Variants in DCC observed in about 807,000 individuals in gnomAD.
DCC encodes the protein DCC netrin 1 receptor.
In DCC, 58 loss-of-function variants were observed where a neutral mutation model predicts 172.5. That is an observed-to-expected ratio of 0.34 (90% confidence interval 0.27 to 0.42). DCC has a LOEUF of 0.42. Ranked by LOEUF, DCC falls within the 10% of genes least tolerant of loss-of-function variation. DCC has a pLI of 1.00. For missense variants in DCC, 1,740 were observed against 1,791.0 expected, an observed-to-expected ratio of 0.97 and a Z score of 0.51; for synonymous variants, 709 against 644.5, an observed-to-expected ratio of 1.10 and a Z score of -1.52.
At chr18:53,280,120 G>A (rs752145866) in intron 12 of DCC, among the ~76,000 whole-genome samples, 3 of 152,088 alleles carry the variant, frequency 2.0e-5, no homozygotes, top group Non-Finnish European at 4.4e-5. Context: ...CTAGGCTTCT[G>A]TTGAAGCCTA....
rs148818851 is a variant in DCC, at chr18:52,887,306, GTT to G, written c.413-18727_413-18726del. On this transcript the variant is annotated intron_variant, in intron 2 of 28. Coordinates refer to ENST00000442544, the MANE Select transcript of DCC (RefSeq NM_005215.4). ...TAGCATTTAGAAACAATCATCAATG[GTT>G]TTTTTTTTTTAAACTATCATCAACA... 2.2e-3 allele frequency among the ~76,000 whole-genome samples: 316 copies of G among 146,844 alleles called. 1 individual carries two copies. Among genetic ancestry groups the G allele is most frequent in the African/African-American group, 7.5e-3 (300 of 40,192 alleles).
chr18:53,293,539 G>T (rs2144754644), intron 12 of DCC, among the ~76,000 whole-genome samples: 1 of 152,250 alleles, frequency 6.6e-6, no homozygotes, highest in African/African-American at 2.4e-5. Context: ...TTGTGTCATA[G>T]GGGCTTGTTG....
intron 18 of DCC, among the ~76,000 whole-genome samples, chr18:53,402,526 T>C (rs1909373246): frequency 1.3e-5 from 2 of 152,220 alleles, no homozygotes; most frequent in East Asian, 1.9e-4. Flanking sequence ...ATACCAGTTG[T>C]ACTTTTCTCC....
chr18:53,349,440 C>T (rs545084863), intron 15 of DCC, among the ~76,000 whole-genome samples: 1 of 152,346 alleles, frequency 6.6e-6, no homozygotes, highest in South Asian at 2.1e-4. Flanking sequence ...ACTGTTTCAA[C>T]CTCTGCCTGT....
chr18:52,780,563 CTG>C (rs75769314), intron 2 of DCC, among the ~76,000 whole-genome samples: 4,025 of 152,164 alleles, frequency 0.026, 77 homozygotes, highest in Middle Eastern at 0.082. Flanking sequence ...GCAGGGAAAA[CTG>C]TGTATATTTA....
intron 26 of DCC, among the ~76,000 whole-genome samples, chr18:53,493,257 A>G (rs1223032050): frequency 6.6e-6 from 1 of 152,218 alleles, no homozygotes; most frequent in Non-Finnish European, 1.5e-5. Context: ...ATATACAATC[A>G]TGTCTTCTGC....
intron 5 of DCC, among the ~76,000 whole-genome samples, chr18:52,934,144 GCAA>G (rs1289632411): frequency 6.6e-6 from 1 of 151,886 alleles, no homozygotes; most frequent in Non-Finnish European, 1.5e-5. Flanking sequence ...GTACATAACA[GCAA>G]CTAGTCCCTA....
chr18:52,831,266 G>A (rs763067549), intron 2 of DCC, among the ~76,000 whole-genome samples: 1 of 152,144 alleles, frequency 6.6e-6, no homozygotes. Flanking sequence ...CATGAGCTAT[G>A]ATTAGAAGTG....
intron 1 of DCC, among the ~76,000 whole-genome samples, chr18:52,748,188 A>G (rs114131651): frequency 0.025 from 3,772 of 152,292 alleles, 88 homozygotes; most frequent in East Asian, 0.078. Flanking sequence ...AGGTGCCGGC[A>G]CAGGCGCTGG....
intron 7 of DCC, among the ~76,000 whole-genome samples, chr18:53,080,118 AAG>A (rs1410764882): frequency 6.6e-6 from 1 of 152,148 alleles, no homozygotes; most frequent in African/African-American, 2.4e-5. Context: ...TAGGCTAAGC[AAG>A]AGAGAATGAG....
At chr18:52,422,249 A>C (rs372879813) in intron 1 of DCC, among the ~76,000 whole-genome samples, 3 of 152,332 alleles carry the variant, frequency 2.0e-5, no homozygotes, top group South Asian at 4.1e-4. Context: ...ATTGATTGGC[A>C]AATCTTAGAG....
chr18:52,424,580 C>T (rs754287148), intron 1 of DCC, among the ~76,000 whole-genome samples: 7 of 152,096 alleles, frequency 4.6e-5, no homozygotes, highest in Non-Finnish European at 7.4e-5. Context: ...CCACATAGAG[C>T]GATGTTAGTG....
At chr18:53,271,727 G>A (rs1598969586) in intron 12 of DCC, among the ~76,000 whole-genome samples, 1 of 152,074 alleles carries the variant, frequency 6.6e-6, no homozygotes, top group South Asian at 2.1e-4. Flanking sequence ...TTGATGATTA[G>A]GAGCAAGTCA....
intron 2 of DCC, among the ~76,000 whole-genome samples, chr18:52,813,173 G>GA (rs755186449): frequency 1.2e-4 from 18 of 151,794 alleles, no homozygotes; most frequent in Non-Finnish European, 2.4e-4. Context: ...ACAATTCCAG[G>GA]AAAAATCTTC....
At chr18:52,804,057 G>T (rs1202349421) in intron 2 of DCC, among the ~76,000 whole-genome samples, 1 of 152,094 alleles carries the variant, frequency 6.6e-6, no homozygotes, top group Non-Finnish European at 1.5e-5. Flanking sequence ...TGGCATGTAG[G>T]GTAGATTGAT....
chr18:53,275,105 T>G (rs945621682), intron 12 of DCC, among the ~76,000 whole-genome samples: 9 of 152,110 alleles, frequency 5.9e-5, no homozygotes, highest in Non-Finnish European at 4.4e-5. Flanking sequence ...TAGTGAGGAA[T>G]GCACAGAGAT....
intron 21 of DCC, among the ~76,000 whole-genome samples, chr18:53,428,151 A>G (rs1276180696): frequency 3.8e-5 from 2 of 53,058 alleles, no homozygotes; most frequent in African/African-American, 1.2e-4. Context: ...AATATATAAT[A>G]TATAATATAA....
At chr18:53,251,512 A>G (rs1375894475) in intron 12 of DCC, among the ~76,000 whole-genome samples, 1 of 151,984 alleles carries the variant, frequency 6.6e-6, no homozygotes. Context: ...AACTTGTCAA[A>G]TCATACCTGT....
chr18:53,143,252 A>G (rs1490679308), intron 7 of DCC, among the ~76,000 whole-genome samples: 1 of 152,176 alleles, frequency 6.6e-6, no homozygotes, highest in Non-Finnish European at 1.5e-5. Context: ...TCTATGACTA[A>G]GATCTAACAT....
Sources: gnomAD v4.1 joint callset for allele counts (sites outside exome capture counted in the v4.1 genomes callset) on GRCh38, gnomAD v4.1.1 for gene constraint, MANE v1.5 for transcripts, NCBI Gene and HGNC (gene_info 2026-07-23, HGNC 2026-07-21) for gene names.